Variants in XIRP2 observed in about 807,000 individuals in gnomAD.
XIRP2 encodes the protein xin actin-binding repeat-containing protein 2.
Under a neutral mutation model 277.0 loss-of-function variants are expected in XIRP2, and 236 were observed. The ratio of observed to expected loss-of-function variants is 0.85; its 90% CI spans 0.77 to 0.95. The LOEUF (loss-of-function observed/expected upper bound fraction) is 0.95, where lower values mean the gene tolerates loss of function less well. Among genes scored for constraint, XIRP2 ranks in the 40% least tolerant of loss-of-function variants. The pLI is 0.00. For synonymous variants in XIRP2, 1,490 were observed against 1,416.5 expected (o/e 1.05, Z -1.17); for missense variants, 4,640 against 4,157.5 (o/e 1.12, Z -3.19).
intron 8 of XIRP2, 63 bp downstream of exon 8, chr2:167,241,973 T>C: frequency 6.8e-7 from 1 of 1,473,428 alleles, no homozygotes; most frequent in South Asian, 1.5e-5. Flanking sequence ...TGTGTAACAT[T>C]TTCAAATTAT....
intron 2 of XIRP2, among the ~76,000 whole-genome samples, chr2:167,106,747 C>T (rs1034351903): frequency 1.6e-4 from 24 of 151,314 alleles, no homozygotes; most frequent in Non-Finnish European, 1.5e-4. Context: ...AGGAATTTGT[C>T]GTATCTATAT....
chr2:167,244,636 C>A lies in XIRP2; in HGVS notation c.3244C>A (p.Gln1082Lys), dbSNP rs779759707. ...GGAAGAAACAGAAAGTAAAACTGAACAAACTAGAGATATTGTTAAAGGGGA... is the reference window on the plus strand; with the variant it reads ...GGAAGAAACAGAAAGTAAAACTGAAAAAACTAGAGATATTGTTAAAGGGGA... ...DVEETESKTEQTRDIVKGDVK... is the reference protein window; with the variant it reads ...DVEETESKTEKTRDIVKGDVK... Residue 1082 changes from glutamine to lysine, a missense_variant, in exon 9 of 11, where the codon CAA (glutamine) becomes AAA (lysine). Transcript: ENST00000409195. 6.2e-7 allele frequency: 1 copy of A among 1,613,136 alleles called. No individual in the cohort carries two copies. The highest frequency in any genetic ancestry group is 8.5e-7 in the Non-Finnish European group (1 of 1,179,582).
At chr2:167,071,933 T>C (rs540598939) in intron 2 of XIRP2, among the ~76,000 whole-genome samples, 24 of 152,150 alleles carry the variant, frequency 1.6e-4, no homozygotes, top group African/African-American at 5.5e-4. Flanking sequence ...AGCATCACCC[T>C]ACAGGTGGGG....
At chr2:167,203,905 G>A (rs909619344) in intron 3 of XIRP2, among the ~76,000 whole-genome samples, 1 of 152,134 alleles carries the variant, frequency 6.6e-6, no homozygotes, top group Admixed American at 6.5e-5. Context: ...TATAGATCAT[G>A]TATTTAAGTT....
chr2:166,897,799 C>A (rs1431705074), intron 1 of XIRP2, among the ~76,000 whole-genome samples: 3 of 152,020 alleles, frequency 2.0e-5, no homozygotes, highest in Admixed American at 2.0e-4. Flanking sequence ...GCAGGCCAAG[C>A]AGATAATCAG....
In XIRP2 at chr2:167,258,317, G is replaced by C. The variant is rs1159280722; in HGVS notation, c.*500G>C. The stretch of plus-strand genomic sequence containing the variant: ...AGATGTTAGAACTCCAGAAAATAAA[G>C]GACAAAGACAAGATCACTTTCCATT... On this transcript the variant is annotated 3_prime_UTR_variant, in exon 11 of 11. Transcript: ENST00000409195. 2 of 1,613,228 alleles carry C rather than the reference G, an allele frequency of 1.2e-6. No individual in the cohort carries two copies. The highest frequency in any genetic ancestry group is 1.7e-6 in the Non-Finnish European group (2 of 1,179,612).
In XIRP2 at chr2:167,248,944, C is replaced by G; in HGVS notation, c.7552C>G (p.Leu2518Val). ...SAPRKKQIAP[L>V]IKSHSFPESS... ...ACCCAGGAAAAAACAGATTGCGCCT[C>G]TTATAAAATCTCATTCATTTCCAGA... Residue 2518 changes from leucine (L) to valine (V), a missense_variant, in exon 9 of 11, where the codon CTT becomes GTT. Transcript: ENST00000409195. 6.2e-7 allele frequency: 1 copy of G among 1,613,764 alleles called. No individual in the cohort carries two copies. Among genetic ancestry groups the G allele is most frequent in the Non-Finnish European group, 8.5e-7 (1 of 1,179,812 alleles).
chr2:167,204,888 T>A (rs530217572), intron 3 of XIRP2, among the ~76,000 whole-genome samples: 1 of 152,344 alleles, frequency 6.6e-6, no homozygotes, highest in South Asian at 2.1e-4. Context: ...TCTCCAAAGA[T>A]TCATAATTTT....
intron 2 of XIRP2, among the ~76,000 whole-genome samples, chr2:167,030,046 G>T (rs540189252): frequency 6.6e-6 from 1 of 152,184 alleles, no homozygotes; most frequent in African/African-American, 2.4e-5. Flanking sequence ...ATTTTGGTGG[G>T]ATCAGTGGTG....
intron 2 of XIRP2, among the ~76,000 whole-genome samples, chr2:167,060,477 C>A (rs547981112): frequency 7.2e-5 from 11 of 152,048 alleles, no homozygotes; most frequent in Admixed American, 7.2e-4. Context: ...GAAGTTTTAT[C>A]TTTTTATTTC....
intron 2 of XIRP2, among the ~76,000 whole-genome samples, chr2:166,952,850 T>A (rs754708775): frequency 6.6e-6 from 1 of 152,002 alleles, no homozygotes; most frequent in Non-Finnish European, 1.5e-5. Context: ...ACTATCTTCA[T>A]GGCCAGTGTA....
intron 3 of XIRP2, among the ~76,000 whole-genome samples, chr2:167,196,237 T>C (rs1260527892): frequency 6.6e-6 from 1 of 152,190 alleles, no homozygotes; most frequent in Non-Finnish European, 1.5e-5. Context: ...TTTTAAGCCA[T>C]GTTACATTTT....
chr2:167,174,529 C>A (rs1459312147), intron 3 of XIRP2, among the ~76,000 whole-genome samples: 1 of 151,992 alleles, frequency 6.6e-6, no homozygotes, highest in Non-Finnish European at 1.5e-5. Context: ...GTCTGGCTAG[C>A]AATCTATCTA....
Position 167,249,200 on chromosome 2 carries a change from C to G in XIRP2, c.7808C>G (p.Ser2603Ter). 1 of 1,613,598 alleles carries G rather than the reference C, an allele frequency of 6.2e-7. No individual in the cohort carries two copies. The highest frequency in any genetic ancestry group is 8.5e-7 in the Non-Finnish European group (1 of 1,179,714). The change falls in exon 9 of 11, where the codon TCA becomes TGA. Residue 2603 changes from serine to a stop codon, truncating the protein, a stop_gained. Coordinates refer to ENST00000409195, the MANE Select transcript of XIRP2 (RefSeq NM_152381.6). LOFTEE classifies it high-confidence loss of function. ...GAGGTTTCCCTATCTGGAATTGATT[C>G]AGAATGCACTGTGGTTCAACCCAGC... ...NEEVSLSGID[S>*]ECTVVQPSPG...
At position 167,046,065 on chromosome 2, in the gene XIRP2, G is replaced by A. The variant is rs1688780726; in HGVS notation, c.409-89844G>A. ...TTTCTTGGGCAGTGTTTGTTGTAGA[G>A]ATATTTCACCTCCCTTGTTACCTGT... On this transcript the variant is annotated intron_variant, in intron 2 of 10. Coordinates refer to ENST00000409195, the MANE Select transcript of XIRP2 (RefSeq NM_152381.6). 1.3e-5 allele frequency among the ~76,000 whole-genome samples: 2 copies of A among 152,048 alleles called. 1 individual carries two copies. The highest frequency in any genetic ancestry group is 4.1e-4 in the South Asian group (2 of 4,820).
intron 2 of XIRP2, among the ~76,000 whole-genome samples, chr2:167,112,539 C>T (rs114278705): frequency 0.03 from 4,442 of 146,486 alleles, 72 homozygotes; most frequent in East Asian, 0.05. Context: ...ATATATATAC[C>T]AGATATTTAT....
chr2:167,230,197 T>C (rs1694712571), intron 5 of XIRP2, among the ~76,000 whole-genome samples: 1 of 152,106 alleles, frequency 6.6e-6, no homozygotes, highest in African/African-American at 2.4e-5. Context: ...TACAATAATC[T>C]AATAGCAATT....
rs1029091251 is a variant in XIRP2 at position 167,245,250 on chromosome 2, G to C, written c.3858G>C (p.Glu1286Asp). Reference sequence around the variant, plus strand: ...TTTTTGAGACTTTTTCTTTAGATGAGATTAAAGAAGAATCTGACTATATCA... The same window carrying C: ...TTTTTGAGACTTTTTCTTTAGATGACATTAAAGAAGAATCTGACTATATCA... ...CFIFETFSLD[E>D]IKEESDYIST... The change falls in exon 9 of 11, where the codon GAG becomes GAC. Residue 1286 changes from glutamate to aspartate, a missense_variant. By Grantham distance (45) the Glu-to-Asp change is conservative. Coordinates refer to ENST00000409195, the MANE Select transcript of XIRP2 (RefSeq NM_152381.6). The C allele has an allele frequency of 6.2e-7, 1 of 1,613,536 alleles. No homozygotes were observed. Among genetic ancestry groups the C allele is most frequent in the East Asian group, 2.2e-5 (1 of 44,838 alleles).
intron 2 of XIRP2, among the ~76,000 whole-genome samples, chr2:167,087,698 C>T (rs111557600): frequency 0.11 from 16,585 of 152,196 alleles, 935 homozygotes; most frequent in South Asian, 0.19. Flanking sequence ...GGCAGTGACC[C>T]GATTTTCCAG....
Sources: allele counts gnomAD v4.1 joint callset (sites outside exome capture counted in the v4.1 genomes callset), GRCh38; gene constraint gnomAD v4.1.1; transcripts MANE v1.5; gene names NCBI Gene and HGNC (gene_info 2026-07-23, HGNC 2026-07-21).